CASK: variants seen among roughly 807,000 people sequenced by gnomAD.
CASK encodes calcium/calmodulin dependent serine protein kinase.
A neutral mutation model predicts 82.9 loss-of-function variants in CASK; 4 were observed. The ratio of observed to expected loss-of-function variants is 0.05; its 90% CI spans 0.02 to 0.11. The LOEUF is 0.11. Among genes scored for constraint, CASK ranks in the 10% least tolerant of loss-of-function variants. The probability of loss-of-function intolerance (pLI) is 1.00; values close to 1 mark genes in which losing one functional copy is unlikely to be tolerated. For synonymous variants in CASK, 259 were observed against 253.5 expected, an observed-to-expected ratio of 1.02 and a Z score of -0.20; for missense variants, 358 against 720.9, an observed-to-expected ratio of 0.50 and a Z score of 5.76.
intron 3 of CASK, among the ~76,000 whole-genome samples, chrX:41,769,962 C>G (rs1361159961): frequency 9.0e-6 from 1 of 110,793 alleles, no homozygotes; most frequent in Non-Finnish European, 1.9e-5. Flanking sequence ...ACAACAACAA[C>G]AACAAAATTC....
chrX:41,863,115 T>A (rs1056266155), intron 1 of CASK, among the ~76,000 whole-genome samples: 1 of 112,174 alleles, frequency 8.9e-6, no homozygotes, highest in African/African-American at 3.2e-5. Flanking sequence ...GAAGTTTACA[T>A]AGATTCTTGT....
At chrX:41,829,696 G>GATAT (rs55730177) in intron 2 of CASK, among the ~76,000 whole-genome samples, 12 of 16,259 alleles carry the variant, frequency 7.4e-4, no homozygotes, top group Non-Finnish European at 9.5e-4. Flanking sequence ...TAGGTCACAA[G>GATAT]ATATATATAT....
At chrX:41,612,571 T>G (rs1432330560) in intron 11 of CASK, among the ~76,000 whole-genome samples, 22 of 80,001 alleles carry the variant, frequency 2.7e-4, no homozygotes, top group East Asian at 8.0e-4. Context: ...GTCCGGGAGG[T>G]GAGGGGCGCC....
intron 22 of CASK, among the ~76,000 whole-genome samples, chrX:41,537,414 G>T (rs1340166123): frequency 9.0e-6 from 1 of 111,249 alleles, no homozygotes; most frequent in Non-Finnish European, 1.9e-5. Context: ...CTTAATAAAA[G>T]AAAACCACCA....
intron 21 of CASK, among the ~76,000 whole-genome samples, chrX:41,552,372 T>C (rs1374854835): frequency 9.0e-6 from 1 of 111,217 alleles, no homozygotes; most frequent in Non-Finnish European, 1.9e-5. Context: ...AGGAAGCAAA[T>C]CTGCTTTTTG....
intron 22 of CASK, among the ~76,000 whole-genome samples, chrX:41,542,328 C>T (rs752022447): frequency 2.5e-4 from 28 of 112,695 alleles, no homozygotes; most frequent in African/African-American, 7.7e-4. Context: ...AGGAGCCAGG[C>T]GGGAGGAGAT....
rs370714052 is a variant in CASK, at chrX:41,901,792, G to A, written c.59+21138C>T. ...GGCATGCAGGGCAGGCCTAAAGCCT[G>A]TATTCACAGGGGCCAGTGTGAATCC... On this transcript the variant is annotated intron_variant, in intron 1 of 26. Coordinates refer to ENST00000378163, the MANE Select transcript of CASK (RefSeq NM_001367721.1). 9.8e-5 allele frequency among the ~76,000 whole-genome samples: 11 copies of A among 112,198 alleles called. No homozygotes were observed. The South Asian group carries it at 1.9e-3, about 19-fold the overall frequency.
chrX:41,795,960 G>T (rs1449410721), intron 2 of CASK, among the ~76,000 whole-genome samples: 3 of 111,271 alleles, frequency 2.7e-5, no homozygotes, highest in Non-Finnish European at 5.7e-5. Context: ...TCTGGACAGG[G>T]TACCAACCTG....
At chrX:41,920,340 C>T (rs1385734347) in intron 1 of CASK, among the ~76,000 whole-genome samples, 2 of 111,931 alleles carry the variant, frequency 1.8e-5, no homozygotes, top group African/African-American at 6.5e-5. Flanking sequence ...AAGGTCCCTG[C>T]AAGAAAATCT....
At chrX:41,747,586 C>T (rs185836769) in intron 3 of CASK, among the ~76,000 whole-genome samples, 247 of 111,527 alleles carry the variant, frequency 2.2e-3, no homozygotes, top group Non-Finnish European at 2.7e-3. Context: ...CTACAGGCGC[C>T]CGCCACCACG....
chrX:41,900,985 AT>A (rs1051839739), intron 1 of CASK, among the ~76,000 whole-genome samples: 6 of 110,660 alleles, frequency 5.4e-5, no homozygotes, highest in African/African-American at 2.0e-4. Context: ...ACCTCAAGTG[AT>A]CCACCCACCT....
At chrX:41,555,859 A>G (rs1196317737) in intron 19 of CASK, 1 of 348,065 alleles carries the variant, frequency 2.9e-6, no homozygotes, top group Non-Finnish European at 5.0e-6. Context: ...AAGCAGAGAG[A>G]AAATGTGTTC....
At chrX:41,699,220 C>T (rs752357828) in intron 5 of CASK, among the ~76,000 whole-genome samples, 4 of 111,297 alleles carry the variant, frequency 3.6e-5, no homozygotes, top group Admixed American at 9.6e-5. Flanking sequence ...CCACCGCGCC[C>T]GGCCAGTTAA....
Position 41,854,265 on chromosome X carries a change from C to CAT in CASK, c.60-1039_60-1038insAT, listed in dbSNP as rs1441001846. Among the ~76,000 whole-genome samples the CAT allele has an allele frequency of 4.6e-4, 51 of 110,356 alleles. 1 individual carries two copies. Among genetic ancestry groups the CAT allele is most frequent in the Admixed American group, 4.0e-3 (42 of 10,500 alleles). ...ACACACACACACACACACACACACA[C>CAT]ACACACACGGTTCCCTGTGGTTACC... On this transcript the variant is annotated intron_variant, in intron 1 of 26. Transcript: ENST00000378163.
chrX:41,684,327 T>C (rs1190532301), intron 5 of CASK, among the ~76,000 whole-genome samples: 1 of 111,731 alleles, frequency 9.0e-6, no homozygotes, highest in Non-Finnish European at 1.9e-5. Flanking sequence ...CATTGAGAAC[T>C]TGGCAACACT....
intron 5 of CASK, among the ~76,000 whole-genome samples, chrX:41,681,091 T>G (rs888030565): frequency 9.0e-6 from 1 of 111,412 alleles, no homozygotes; most frequent in Non-Finnish European, 1.9e-5. Flanking sequence ...ATATTGAAAG[T>G]TTTTTTTGGA....
chrX:41,797,996 A>T (rs2069898383), intron 2 of CASK, among the ~76,000 whole-genome samples: 1 of 112,216 alleles, frequency 8.9e-6, no homozygotes, highest in Non-Finnish European at 1.9e-5. Flanking sequence ...CAAAAGTAAT[A>T]TATGCCTAAC....
chrX:41,839,763 T>C (rs1466498710), intron 2 of CASK, among the ~76,000 whole-genome samples: 1 of 111,984 alleles, frequency 8.9e-6, no homozygotes, highest in Non-Finnish European at 1.9e-5. Context: ...TGGAAAAATG[T>C]AAGGTCTATG....
In CASK at chrX:41,811,288, A is replaced by C. The variant is rs2070279705; in HGVS notation, c.173-24005T>G. On this transcript the variant is annotated intron_variant, in intron 2 of 26. Coordinates refer to ENST00000378163, the MANE Select transcript of CASK (RefSeq NM_001367721.1). ...AATCAACAGAATATACATTCTTCTCAGCACCACATTGCATTTATTCCAAAA... is the reference window on the plus strand; with the variant it reads ...AATCAACAGAATATACATTCTTCTCCGCACCACATTGCATTTATTCCAAAA... Among the ~76,000 whole-genome samples, 3 of 112,444 alleles carry C rather than the reference A, an allele frequency of 2.7e-5. No individual in the cohort carries two copies. The Middle Eastern group carries it at 0.014, about 516-fold the overall frequency.
Sources: allele counts gnomAD v4.1 joint callset (sites outside exome capture counted in the v4.1 genomes callset), GRCh38; gene constraint gnomAD v4.1.1; transcripts MANE v1.5; gene names NCBI Gene and HGNC (gene_info 2026-07-23, HGNC 2026-07-21).